DISP2: variants seen among roughly 807,000 people sequenced by gnomAD.
DISP2 encodes protein dispatched homolog 2.
A neutral mutation model predicts 95.5 loss-of-function variants in DISP2; 59 were observed. The ratio of observed to expected loss-of-function variants is 0.62; its 90% CI spans 0.50 to 0.77. DISP2 has a LOEUF of 0.77. Ranked by LOEUF, DISP2 falls within the 30% of genes least tolerant of loss-of-function variation. The probability of loss-of-function intolerance (pLI) is 0.00; values close to 1 mark genes in which losing one functional copy is unlikely to be tolerated. For missense variants in DISP2, 1,752 were observed against 1,854.6 expected (o/e 0.94, Z 1.02); for synonymous variants, 827 against 815.0 (o/e 1.01, Z -0.25).
At position 40,373,725 on chromosome 15, in the gene DISP2, G is replaced by A. The variant is rs889938252; in HGVS notation, c.*3407G>A. The A allele has an allele frequency of 3.3e-5, 5 of 149,880 alleles. No homozygotes were observed. The highest frequency in any genetic ancestry group is 1.2e-4 in the African/African-American group (5 of 40,416). 9.3% of individuals were successfully genotyped at this position (149,880 alleles called of 1,614,324 possible). Reference sequence around the variant, plus strand: ...TCTCAAAAAATAAATAAATAAATAAGTCGGGCACGGTGGCTCACGCCTGTA... The same window carrying A: ...TCTCAAAAAATAAATAAATAAATAAATCGGGCACGGTGGCTCACGCCTGTA... On this transcript the variant is annotated 3_prime_UTR_variant, in exon 8 of 8. Transcript: ENST00000267889.
chr15:40,358,467 T>A, intron 1 of DISP2, 27 bp downstream of exon 1: 4 of 1,255,030 alleles, frequency 3.2e-6, no homozygotes, highest in Non-Finnish European at 4.0e-6. Flanking sequence ...CGCAGATCCG[T>A]ATCACAGACC....
intron 4 of DISP2, 37 bp from the exon 5 acceptor site, chr15:40,364,801 C>G (rs757846540): frequency 6.3e-7 from 1 of 1,594,604 alleles, no homozygotes; most frequent in Non-Finnish European, 8.6e-7. Context: ...GAACTCCTAC[C>G]CTGCCCACCT....
chr15:40,367,780 C>T lies in DISP2; in HGVS notation c.1668C>T (p.Ala556=). 1.9e-6 allele frequency: 3 copies of T among 1,609,108 alleles called. No individual in the cohort carries two copies. The highest frequency in any genetic ancestry group is 1.6e-4 in the Middle Eastern group (1 of 6,062). The change falls in exon 8 of 8, where the codon GCC becomes GCT. Residue 556 remains alanine, a synonymous_variant. Transcript: ENST00000267889. ...AALLLLSSVC[A]NHTLIFFDLW... ...TCCTCCTGCTGAGCAGCGTCTGCGC[C>T]AACCACACGCTCATCTTCTTCGACC...
chr15:40,364,141 C>A, intron 2 of DISP2, 85 bp from the exon 3 acceptor site: 1 of 1,590,426 alleles, frequency 6.3e-7, no homozygotes, highest in Non-Finnish European at 8.6e-7. Context: ...CCCTCACCTA[C>A]CCACTCCCAC....
In DISP2 at chr15:40,368,425, C is replaced by T. The variant is rs528834328; in HGVS notation, c.2313C>T (p.Pro771=). 1 of 1,609,504 alleles carries T rather than the reference C, an allele frequency of 6.2e-7. No individual in the cohort carries two copies. Among genetic ancestry groups the T allele is most frequent in the African/African-American group, 1.3e-5 (1 of 75,064 alleles). The change falls in exon 8 of 8, where the codon CCC becomes CCT. Residue 771 remains proline (P), a synonymous_variant. Coordinates refer to ENST00000267889, the MANE Select transcript of DISP2 (RefSeq NM_033510.3). The stretch of plus-strand genomic sequence containing the variant: ...CGCAGGGCGAGGGCGGCCACATGCC[C>T]GTGGTTTTGGTGTGGGGCGTCCTGC... ...QLPQGEGGHM[P]VVLVWGVLPV...
intron 1 of DISP2, 102 bp from the exon 2 acceptor site, chr15:40,363,523 C>T (rs566857174): frequency 1.2e-6 from 1 of 858,286 alleles, no homozygotes; most frequent in East Asian, 2.8e-5. Flanking sequence ...AACCCTGAGT[C>T]CCTGTCCCCT....
Position 40,363,998 on chromosome 15 carries a change from CG to C in DISP2, c.449+46del, listed in dbSNP as rs544127960. On this transcript the variant is annotated intron_variant, in intron 2 of 7. Transcript: ENST00000267889. ...GCCTGCCAGCTGCCACTGGAAAATG[CG>C]GTGGGGCTTAAGAGTGGGGCAGACT... 5,743 of 1,510,706 alleles carry C rather than the reference CG, an allele frequency of 3.8e-3. 22 individuals are homozygous for C. The highest frequency in any genetic ancestry group is 4.7e-3 in the Admixed American group (223 of 47,798). 93.6% of individuals were successfully genotyped at this position (1,510,706 alleles called of 1,614,324 possible). A position where few individuals can be genotyped will look rare whatever the true frequency, so the allele number is the denominator to read the frequency against.
At chr15:40,365,449 C>G (rs1330558218) in intron 6 of DISP2, among the ~76,000 whole-genome samples, 175 bp downstream of exon 6, 1 of 152,172 alleles carries the variant, frequency 6.6e-6, no homozygotes, top group Non-Finnish European at 1.5e-5. Context: ...GATGCTCCAG[C>G]CAGACAGGGT....
At position 40,364,838 on chromosome 15, in the gene DISP2, G is replaced by C; in HGVS notation, c.604G>C (p.Gly202Arg). The C allele has an allele frequency of 3.7e-6, 6 of 1,613,840 alleles. No homozygotes were observed. Among genetic ancestry groups the C allele is most frequent in the Non-Finnish European group, 5.1e-6 (6 of 1,179,870 alleles). ...RLPDFSKPLL[G>R]FEPRDTDIGS... is the part of the protein sequence containing the mutation. ...TTCTTCTCCACCCTCCTCCCTGCAG[G>C]GCTTTGAGCCACGGGACACAGACAT... The change falls in exon 5 of 8, where the codon GGC (glycine) becomes CGC (arginine). Residue 202 changes from glycine (G) to arginine (R), a missense_variant and splice_region_variant. Gly to Arg is a moderately radical substitution (Grantham distance 125, BLOSUM62 -2). Around this residue, in one of 5 missense-constraint regions of DISP2, gnomAD observed 342 missense variants for 364.3 expected, o/e 0.94. Transcript: ENST00000267889.
chr15:40,359,734 T>A (rs981780943), intron 1 of DISP2, among the ~76,000 whole-genome samples: 1 of 152,216 alleles, frequency 6.6e-6, no homozygotes, highest in African/African-American at 2.4e-5. Context: ...CCAGAGACCA[T>A]AGACACTAAT....
At position 40,367,606 on chromosome 15, in the gene DISP2, C is replaced by T; in HGVS notation, c.1494C>T (p.Ala498=). 6.2e-7 allele frequency: 1 copy of T among 1,613,996 alleles called. No homozygotes were observed. Among genetic ancestry groups the T allele is most frequent in the Non-Finnish European group, 8.5e-7 (1 of 1,179,996 alleles). The change falls in exon 8 of 8, where the codon GCC becomes GCT. Residue 498 remains alanine (A), a synonymous_variant. Transcript: ENST00000267889. The part of the protein sequence containing the change: ...DTVYPLLALV[A]IFFGMALYLR... ...TGTACCCCTTGCTGGCTCTGGTTGC[C>T]ATCTTCTTCGGCATGGCCCTGTACC...
In DISP2 at chr15:40,372,734, G is replaced by C. The variant is rs1348061880; in HGVS notation, c.*2416G>C. 6.6e-6 allele frequency: 1 copy of C among 152,186 alleles called. No individual in the cohort carries two copies. Among genetic ancestry groups the C allele is most frequent in the African/African-American group, 2.4e-5 (1 of 41,430 alleles). 9.4% of individuals were successfully genotyped at this position (152,186 alleles called of 1,614,324 possible). On this transcript the variant is annotated 3_prime_UTR_variant, in exon 8 of 8. Coordinates refer to ENST00000267889, the MANE Select transcript of DISP2 (RefSeq NM_033510.3). ...GAGCCCTGGTATCCTCAGGGACAAT[G>C]AGCCACAGGGAGGTTAAGGGAACTC...
chr15:40,366,153 C>A (rs555535871), intron 7 of DISP2, among the ~76,000 whole-genome samples: 1 of 152,314 alleles, frequency 6.6e-6, no homozygotes, highest in East Asian at 1.9e-4. Flanking sequence ...GGTGTGAAAA[C>A]CACGCAGCAG....
Position 40,371,522 on chromosome 15 carries a change from C to T in DISP2, c.*1204C>T, listed in dbSNP as rs1447710942. The T allele has an allele frequency of 6.6e-6, 1 of 152,272 alleles. No individual in the cohort carries two copies. Among genetic ancestry groups the T allele is most frequent in the Admixed American group, 6.5e-5 (1 of 15,278 alleles). The allele number at this position is 152,272 out of a possible 1,614,324, so 9.4% of individuals were successfully genotyped here. On this transcript the variant is annotated 3_prime_UTR_variant, in exon 8 of 8. Coordinates refer to ENST00000267889, the MANE Select transcript of DISP2 (RefSeq NM_033510.3). ...ATAAGAGGCCCCACCAGAAGAGGTACTGAGGGGCAGAAGAGGTGAAGCCAA... is the reference window on the plus strand; with the variant it reads ...ATAAGAGGCCCCACCAGAAGAGGTATTGAGGGGCAGAAGAGGTGAAGCCAA...
Position 40,370,632 on chromosome 15 carries a change from T to A in DISP2, c.*314T>A. 1 of 568,234 alleles carries A rather than the reference T, an allele frequency of 1.8e-6. No homozygotes were observed. The highest frequency in any genetic ancestry group is 3.3e-6 in the Non-Finnish European group (1 of 300,576). 35.2% of individuals were successfully genotyped at this position (568,234 alleles called of 1,614,324 possible). A position where few individuals can be genotyped will look rare whatever the true frequency, so the allele number is the denominator to read the frequency against. On this transcript the variant is annotated 3_prime_UTR_variant, in exon 8 of 8. Transcript: ENST00000267889. ...GGAAGGCCAGATGTGTAGCTTCGGG[T>A]ATCAGAGGAGGCTGACCTGGCCCCC...
intron 1 of DISP2, among the ~76,000 whole-genome samples, chr15:40,360,740 G>C (rs1210551916): frequency 6.6e-6 from 1 of 152,178 alleles, no homozygotes. Context: ...AACACTCCAA[G>C]TGGGGCCCTG....
chr15:40,367,921 C>T lies in DISP2; in HGVS notation c.1809C>T (p.Ala603=). The change falls in exon 8 of 8, where the codon GCC becomes GCT. Residue 603 remains alanine, a synonymous_variant. Coordinates refer to ENST00000267889, the MANE Select transcript of DISP2 (RefSeq NM_033510.3). The part of the protein sequence containing the change: ...LLVSGLTTSA[A]FYASYLSRLP... The stretch of plus-strand genomic sequence containing the variant: ...TCTCCGGCCTCACCACGAGCGCGGC[C>T]TTCTATGCCAGCTACCTGAGCCGCC... 1 of 1,595,582 alleles carries T rather than the reference C, an allele frequency of 6.3e-7. No individual in the cohort carries two copies. The highest frequency in any genetic ancestry group is 8.5e-7 in the Non-Finnish European group (1 of 1,178,428).
chr15:40,371,296 T>C lies in DISP2; in HGVS notation c.*978T>C, dbSNP rs1889640765. 6.6e-6 allele frequency: 1 copy of C among 152,384 alleles called. No individual in the cohort carries two copies. Among genetic ancestry groups the C allele is most frequent in the African/African-American group, 2.4e-5 (1 of 41,580 alleles). The allele number at this position is 152,384 out of a possible 1,614,324, so 9.4% of individuals were successfully genotyped here. On this transcript the variant is annotated 3_prime_UTR_variant, in exon 8 of 8. Transcript: ENST00000267889. ...GCACCCTCCTCCAATCTGCTTTCTC[T>C]GGTGTCTCTGACTGAATCCAGCCAC...
Position 40,358,428 on chromosome 15 carries a change from G to A in DISP2, c.107G>A (p.Gly36Asp). 2 of 1,323,182 alleles carry A rather than the reference G, an allele frequency of 1.5e-6. No individual in the cohort carries two copies. The highest frequency in any genetic ancestry group is 1.9e-6 in the Non-Finnish European group (2 of 1,036,746). 82.0% of individuals were successfully genotyped at this position (1,323,182 alleles called of 1,614,324 possible). The change falls in exon 1 of 8, where the codon GGC becomes GAC. Residue 36 changes from glycine (G) to aspartate (D), a missense_variant. By Grantham distance (94) the Gly-to-Asp change is moderately conservative. This residue lies in a region of DISP2 where 342 missense variants were observed against 364.3 expected (regional missense o/e 0.94). Transcript: ENST00000267889. Reference sequence around the variant, plus strand: ...GGGGAGCCCTTGGCCCCAGACGGCGGCTCCCCGGACAGGTAGGGCGGACAG... The same window carrying A: ...GGGGAGCCCTTGGCCCCAGACGGCGACTCCCCGGACAGGTAGGGCGGACAG... ...PEGEPLAPDG[G>D]SPDSTQTKAV... is the part of the protein sequence containing the mutation.
Sources: allele counts gnomAD v4.1 joint callset (sites outside exome capture counted in the v4.1 genomes callset), GRCh38; gene constraint gnomAD v4.1.1; regional missense constraint gnomAD v4.1.1; transcripts MANE v1.5; gene names NCBI Gene and HGNC (gene_info 2026-07-23, HGNC 2026-07-21).